RBM19: variants seen among roughly 807,000 people sequenced by gnomAD.
RBM19 encodes the protein RNA binding motif protein 19.
In RBM19, 94 loss-of-function variants were observed where a neutral mutation model predicts 116.8. That is an observed-to-expected ratio of 0.80 (90% CI 0.68 to 0.95). RBM19 has a LOEUF of 0.95. Ranked by LOEUF, RBM19 falls within the 40% of genes least tolerant of loss-of-function variation. The pLI is 0.00. For missense variants in RBM19, 1,161 were observed against 1,220.7 expected, an observed-to-expected ratio of 0.95 and a Z score of 0.73; for synonymous variants, 475 against 494.1, an observed-to-expected ratio of 0.96 and a Z score of 0.51.
intron 22 of RBM19, among the ~76,000 whole-genome samples, chr12:113,855,035 G>C (rs917814981): frequency 1.1e-4 from 16 of 152,314 alleles, no homozygotes; most frequent in Middle Eastern, 3.4e-3. Flanking sequence ...TTCCAGTTTG[G>C]GGGTATGTGT....
intron 21 of RBM19, among the ~76,000 whole-genome samples, chr12:113,872,104 A>G (rs1372150897): frequency 2.9e-5 from 4 of 136,742 alleles, no homozygotes; most frequent in Admixed American, 7.3e-5. Flanking sequence ...AGCCGCCATC[A>G]CATCTAGGAA....
At position 113,962,084 on chromosome 12, in the gene RBM19, T is replaced by C. The variant is rs781668823; in HGVS notation, c.219+148A>G. ...ATAATAAGCTCTCAGGTGATTTGTA[T>C]GCACATGAAAGTGTGTGAATCGGTG... is the stretch of plus-strand genomic sequence containing the variant. On this transcript the variant is annotated intron_variant, in intron 2 of 23. Coordinates refer to ENST00000261741, the MANE Select transcript of RBM19 (RefSeq NM_016196.4). The C allele has an allele frequency of 9.2e-4, 878 of 955,160 alleles. 4 individuals carry two copies. The highest frequency in any genetic ancestry group is 1.0e-3 in the South Asian group (61 of 59,268). 59.2% of individuals were successfully genotyped at this position (955,160 alleles called of 1,614,324 possible). A position where few individuals can be genotyped will look rare whatever the true frequency, so the allele number is the denominator to read the frequency against.
At chr12:113,915,382 A>C (rs548957689) in intron 20 of RBM19, among the ~76,000 whole-genome samples, 1 of 152,276 alleles carries the variant, frequency 6.6e-6, no homozygotes, top group East Asian at 1.9e-4. Flanking sequence ...CTGGTTTCTC[A>C]CCAAACCCAA....
At chr12:113,884,428 C>T (rs1396182291) in intron 21 of RBM19, among the ~76,000 whole-genome samples, 1 of 152,086 alleles carries the variant, frequency 6.6e-6, no homozygotes, top group Non-Finnish European at 1.5e-5. Flanking sequence ...TGTCTGGAGG[C>T]ATTTTTAGTT....
intron 21 of RBM19, among the ~76,000 whole-genome samples, chr12:113,909,245 C>T (rs1882271694): frequency 6.6e-6 from 1 of 152,176 alleles, no homozygotes; most frequent in South Asian, 2.1e-4. Context: ...GCCTCAGCCT[C>T]CTGAGTAACT....
chr12:113,913,267 C>T (rs1023871120), intron 21 of RBM19, among the ~76,000 whole-genome samples: 1 of 152,116 alleles, frequency 6.6e-6, no homozygotes, highest in African/African-American at 2.4e-5. Flanking sequence ...AAGTTGGACT[C>T]CTTTTAAAAA....
intron 21 of RBM19, among the ~76,000 whole-genome samples, chr12:113,884,295 GTA>G (rs1491140479): frequency 0.012 from 1,061 of 89,230 alleles, 20 homozygotes; most frequent in African/African-American, 0.062. Flanking sequence ...AAAAAAAAAA[GTA>G]TACACACACA....
At chr12:113,885,962 G>A (rs1309933419) in intron 21 of RBM19, among the ~76,000 whole-genome samples, 1 of 147,934 alleles carries the variant, frequency 6.8e-6, no homozygotes, top group African/African-American at 2.5e-5. Context: ...TCTGCCTCCC[G>A]GGTTCATGCA....
chr12:113,947,500 G>A (rs374445588), intron 10 of RBM19, 36 bp from the exon 11 acceptor site: 8 of 1,562,910 alleles, frequency 5.1e-6, no homozygotes, highest in East Asian at 4.6e-5. Context: ...CTGGTAGGCC[G>A]CAGCCACTTG....
Position 113,918,411 on chromosome 12 carries a change from T to G in RBM19, c.2422A>C (p.Ile808Leu). The G allele has an allele frequency of 6.2e-7, 1 of 1,614,158 alleles. No individual in the cohort carries two copies. Among genetic ancestry groups the G allele is most frequent in the Non-Finnish European group, 8.5e-7 (1 of 1,180,028 alleles). ...ACTCACTTAGTGGCTCGTTCCGAGA[T>G]CCTCACTTCCAGCTTGTGGCCGTCC... ...VVDGHKLEVR[I>L]SERATKPAVT... Residue 808 changes from isoleucine (I) to leucine (L), a missense_variant, in exon 20 of 24, where the codon ATC becomes CTC. Physicochemically the swap from Ile to Leu is conservative, Grantham distance 5. Coordinates refer to ENST00000261741, the MANE Select transcript of RBM19 (RefSeq NM_016196.4).
rs760246805 is a variant in RBM19 at position 113,942,352 on chromosome 12, T to C, written c.1709A>G (p.Asn570Ser). Residue 570 changes from asparagine (N) to serine (S), a missense_variant, in exon 14 of 24, where the codon AAC becomes AGC. Transcript: ENST00000261741. Reference sequence around the variant, plus strand: ...GCTGAAGGAATCCAGGCTGACCCCGTTGTCTATGAGAAAACGCCGCACTTC... The same window carrying C: ...GCTGAAGGAATCCAGGCTGACCCCGCTGTCTATGAGAAAACGCCGCACTTC... ...VQEVRRFLID[N>S]GVSLDSFSQA... 45 of 1,606,928 alleles carry C rather than the reference T, an allele frequency of 2.8e-5. No homozygotes were observed. Among genetic ancestry groups the C allele is most frequent in the Non-Finnish European group, 3.7e-5 (44 of 1,179,712 alleles).
At chr12:113,901,717 G>A (rs188135730) in intron 21 of RBM19, among the ~76,000 whole-genome samples, 11 of 152,002 alleles carry the variant, frequency 7.2e-5, no homozygotes, top group African/African-American at 1.4e-4. Flanking sequence ...GTTTCACCAT[G>A]TTGGCTAGGC....
intron 21 of RBM19, among the ~76,000 whole-genome samples, chr12:113,905,933 C>G (rs968354871): frequency 1.3e-5 from 2 of 152,176 alleles, no homozygotes; most frequent in African/African-American, 4.8e-5. Flanking sequence ...CCATTATCCA[C>G]CTACCAGAAT....
At position 113,947,349 on chromosome 12, in the gene RBM19, G is replaced by T. The variant is rs140312414; in HGVS notation, c.1392C>A (p.Asp464Glu). ...EHAVKAYSEVDGQVFQGRMLH... is the reference protein window; with the variant it reads ...EHAVKAYSEVEGQVFQGRMLH... ...GGGGCCTCACCTGGAATACCTGCCC[G>T]TCCACCTCCGAGTAGGCCTTCACAG... is the stretch of plus-strand genomic sequence containing the variant. The change falls in exon 11 of 24, where the codon GAC (aspartate) becomes GAA (glutamate). Residue 464 changes from aspartate (D) to glutamate (E), a missense_variant. By Grantham distance (45) the Asp-to-Glu change is conservative. Coordinates refer to ENST00000261741, the MANE Select transcript of RBM19 (RefSeq NM_016196.4). 24 of 1,600,554 alleles carry T rather than the reference G, an allele frequency of 1.5e-5. No homozygotes were observed. The highest frequency in any genetic ancestry group is 1.7e-5 in the Non-Finnish European group (20 of 1,169,244).
At chr12:113,964,139 A>G (rs75596675) in intron 1 of RBM19, among the ~76,000 whole-genome samples, 6,457 of 152,300 alleles carry the variant, frequency 0.042, 327 homozygotes, top group Admixed American at 0.15. Flanking sequence ...AGTGTCAGCA[A>G]TATCACAAGT....
intron 21 of RBM19, among the ~76,000 whole-genome samples, chr12:113,912,388 C>T (rs974399521): frequency 1.3e-5 from 2 of 152,228 alleles, no homozygotes; most frequent in Non-Finnish European, 2.9e-5. Context: ...CACTCGCTGT[C>T]ATTTGGTCCC....
intron 21 of RBM19, among the ~76,000 whole-genome samples, chr12:113,859,172 A>G (rs1287048129): frequency 9.2e-5 from 14 of 152,160 alleles, no homozygotes; most frequent in Non-Finnish European, 2.9e-5. Flanking sequence ...CCCTGCCCCC[A>G]TGGGGCCCCA....
intron 23 of RBM19, among the ~76,000 whole-genome samples, chr12:113,842,052 G>A (rs1876532305): frequency 6.6e-6 from 1 of 152,354 alleles, no homozygotes; most frequent in African/African-American, 2.4e-5. Context: ...ATGGGAAGAT[G>A]TAGGCAAATG....
intron 21 of RBM19, among the ~76,000 whole-genome samples, chr12:113,859,150 C>T (rs556169811): frequency 2.5e-4 from 38 of 152,228 alleles, no homozygotes; most frequent in Non-Finnish European, 4.6e-4. Flanking sequence ...CCTCTGCAAC[C>T]AGCTAGAGAC....
Sources: allele counts gnomAD v4.1 joint callset (sites outside exome capture counted in the v4.1 genomes callset), GRCh38; gene constraint gnomAD v4.1.1; transcripts MANE v1.5; gene names NCBI Gene and HGNC (gene_info 2026-07-23, HGNC 2026-07-21).